HOPX: variants seen among roughly 807,000 people sequenced by gnomAD.
HOPX encodes the protein HOP homeobox.
Under a neutral mutation model 11.8 loss-of-function variants are expected in HOPX, and 5 were observed. That is an observed-to-expected ratio of 0.43 (90% CI 0.22 to 0.89). The LOEUF (loss-of-function observed/expected upper bound fraction) is 0.89. Ranked by LOEUF, HOPX falls within the 40% of genes least tolerant of loss-of-function variation. The pLI, the probability that HOPX is intolerant of heterozygous loss-of-function variation, is 0.28. For missense variants in HOPX, 119 were observed against 120.0 expected (o/e 0.99, Z 0.04); for synonymous variants, 49 against 49.7 (o/e 0.99, Z 0.06).
chr4:56,678,589 G>T lies in HOPX; in HGVS notation c.-84+2666C>A, dbSNP rs554575152. Among the ~76,000 whole-genome samples, 5 of 151,942 alleles carry T rather than the reference G, an allele frequency of 3.3e-5. No homozygotes were observed. The South Asian group carries it at 8.3e-4, about 25-fold the overall frequency. On this transcript the variant is annotated intron_variant, in intron 1 of 3. Coordinates refer to ENST00000420433, the MANE Select transcript of HOPX (RefSeq NM_032495.6). The stretch of plus-strand genomic sequence containing the variant: ...GCCTCCCAAGTAGCTGGGATTACAG[G>T]CGCTCACCACAATGCCCAGAATAAT...
chr4:56,662,170 T>C (rs941607637), intron 1 of HOPX, among the ~76,000 whole-genome samples: 1 of 152,206 alleles, frequency 6.6e-6, no homozygotes, highest in Non-Finnish European at 1.5e-5. Context: ...GCTGTTAGGC[T>C]GTGGGTTTAA....
chr4:56,677,961 T>C (rs574895123), intron 1 of HOPX, among the ~76,000 whole-genome samples: 1 of 151,756 alleles, frequency 6.6e-6, no homozygotes, highest in South Asian at 2.1e-4. Flanking sequence ...CCTCTACTTA[T>C]GCCAGATATT....
chr4:56,664,644 G>A (rs1370446905), intron 1 of HOPX: 1 of 152,070 alleles, frequency 6.6e-6, no homozygotes, highest in Admixed American at 6.5e-5. Context: ...ATCCCTACAT[G>A]GCACTTCTCA....
At chr4:56,667,813 G>A (rs1178444369) in intron 1 of HOPX, among the ~76,000 whole-genome samples, 1 of 152,156 alleles carries the variant, frequency 6.6e-6, no homozygotes. Flanking sequence ...TTCAACAGGA[G>A]CATTTTTACT....
At chr4:56,655,638 TG>T (rs941618823) in intron 3 of HOPX, among the ~76,000 whole-genome samples, 11 of 151,054 alleles carry the variant, frequency 7.3e-5, no homozygotes, top group African/African-American at 2.7e-4. Context: ...CACGGCTGGA[TG>T]GGGGTGGCGG....
chr4:56,655,951 A>G lies in HOPX; in HGVS notation c.104T>C (p.Leu35Pro). 9 of 1,611,366 alleles carry G rather than the reference A, an allele frequency of 5.6e-6. No individual in the cohort carries two copies. The highest frequency in any genetic ancestry group is 7.6e-6 in the Non-Finnish European group (9 of 1,178,862). ...SGPTEDQVEI[L>P]EYNFNKVDKH... ...GTCGACCTTGTTGAAGTTGTACTCC[A>G]GGATTTCCACCTGGTCCTCTGTGGG... Residue 35 changes from leucine to proline, a missense_variant, in exon 3 of 4, where the codon CTG becomes CCG. Coordinates refer to ENST00000420433, the MANE Select transcript of HOPX (RefSeq NM_032495.6).
At chr4:56,670,960 G>A (rs994723643) in intron 1 of HOPX, among the ~76,000 whole-genome samples, 3 of 151,110 alleles carry the variant, frequency 2.0e-5, no homozygotes, top group Admixed American at 6.6e-5. Context: ...TTGTGCCGTT[G>A]CACTCCAGCC....
rs952822697 is a variant in HOPX, at chr4:56,648,201, G to A, written c.*519C>T. The A allele has an allele frequency of 6.6e-6, 1 of 152,070 alleles. No homozygotes were observed. Among genetic ancestry groups the A allele is most frequent in the African/African-American group, 2.4e-5 (1 of 41,378 alleles). 9.4% of individuals were successfully genotyped at this position (152,070 alleles called of 1,614,324 possible). A position where few individuals can be genotyped will look rare whatever the true frequency, so the allele number is the denominator to read the frequency against. ...ACAGGCTTCTTTCCAAGTTAATGCAGCTATATTCCAAGGAAGTGTTTTATG... is the reference window on the plus strand; with the variant it reads ...ACAGGCTTCTTTCCAAGTTAATGCAACTATATTCCAAGGAAGTGTTTTATG... On this transcript the variant is annotated 3_prime_UTR_variant, in exon 4 of 4. Transcript: ENST00000420433.
chr4:56,664,828 G>A (rs1326684076), intron 1 of HOPX: 1 of 152,112 alleles, frequency 6.6e-6, no homozygotes, highest in Admixed American at 6.5e-5. Context: ...CTATTAATGA[G>A]GAGGCATAAA....
At chr4:56,681,432 A>G (rs1467883194), upstream of HOPX, 1 of 987,032 alleles carries the variant, frequency 1.0e-6, no homozygotes, top group Non-Finnish European at 1.2e-6. Context: ...GAGGTAAACC[A>G]CTGAAAGTAT....
At chr4:56,661,365 C>T (rs1331429824) in intron 1 of HOPX, among the ~76,000 whole-genome samples, 2 of 152,120 alleles carry the variant, frequency 1.3e-5, no homozygotes, top group Non-Finnish European at 2.9e-5. Context: ...TGGTGGATAT[C>T]TAGGTTGTTT....
At chr4:56,656,199 C>A in intron 2 of HOPX, 187 bp from the exon 3 acceptor site, 1 of 1,126,764 alleles carries the variant, frequency 8.9e-7, no homozygotes, top group South Asian at 2.8e-5. Flanking sequence ...CCCACCCGGG[C>A]CTCCCTCCCT....
At chr4:56,651,779 G>T (rs1717189731) in intron 3 of HOPX, among the ~76,000 whole-genome samples, 1 of 151,996 alleles carries the variant, frequency 6.6e-6, no homozygotes, top group Admixed American at 6.6e-5. Context: ...ATCAAGAGGA[G>T]ATAAAAATAC....
intron 1 of HOPX, among the ~76,000 whole-genome samples, chr4:56,674,359 A>T (rs1414189440): frequency 6.6e-6 from 1 of 151,806 alleles, no homozygotes; most frequent in Non-Finnish European, 1.5e-5. Flanking sequence ...ATCAGGGCTA[A>T]GGAAGATTGT....
chr4:56,659,813 A>G (rs148426601), intron 1 of HOPX, among the ~76,000 whole-genome samples: 1 of 152,364 alleles, frequency 6.6e-6, no homozygotes, highest in Non-Finnish European at 1.5e-5. Flanking sequence ...CTAATGCTGT[A>G]TATCATCTTA....
At chr4:56,655,302 G>A (rs1455696205) in intron 3 of HOPX, among the ~76,000 whole-genome samples, 1 of 152,166 alleles carries the variant, frequency 6.6e-6, no homozygotes, top group Non-Finnish European at 1.5e-5. Flanking sequence ...GTGATGTGGT[G>A]GAGAGAGCAT....
intron 1 of HOPX, chr4:56,679,861 G>C (rs1333081761): frequency 6.6e-6 from 1 of 152,152 alleles, no homozygotes; most frequent in Non-Finnish European, 1.5e-5. Context: ...TTTGTGCATG[G>C]ACATAACATC....
intron 3 of HOPX, among the ~76,000 whole-genome samples, chr4:56,653,148 T>A (rs1440373799): frequency 6.6e-6 from 1 of 152,210 alleles, no homozygotes; most frequent in Non-Finnish European, 1.5e-5. Context: ...AGGGATTCTC[T>A]TGCCTTAGCC....
intron 1 of HOPX, among the ~76,000 whole-genome samples, chr4:56,668,882 C>T (rs1315532059): frequency 6.6e-6 from 1 of 152,180 alleles, no homozygotes; most frequent in Non-Finnish European, 1.5e-5. Flanking sequence ...ATATCCTTGG[C>T]TGCTTTATTT....
Sources: allele counts gnomAD v4.1 joint callset (sites outside exome capture counted in the v4.1 genomes callset), GRCh38; gene constraint gnomAD v4.1.1; transcripts MANE v1.5; gene names NCBI Gene and HGNC (gene_info 2026-07-23, HGNC 2026-07-21).